MACF1: variants seen among roughly 807,000 people sequenced by gnomAD.
MACF1 encodes microtubule-actin cross-linking factor 1.
Under a neutral mutation model 854.8 loss-of-function variants are expected in MACF1, and 193 were observed. The ratio of observed to expected loss-of-function variants is 0.23; its 90% CI spans 0.20 to 0.25. The LOEUF (loss-of-function observed/expected upper bound fraction) is 0.25. Among genes scored for constraint, MACF1 ranks in the 10% least tolerant of loss-of-function variants. The pLI is 1.00. For synonymous variants in MACF1, 3,185 were observed against 3,226.7 expected, an observed-to-expected ratio of 0.99 and a Z score of 0.44; for missense variants, 7,722 against 8,929.1, an observed-to-expected ratio of 0.86 and a Z score of 5.45.
At chr1:39,141,423 T>G (rs563659429) in intron 2 of MACF1, among the ~76,000 whole-genome samples, 2 of 152,274 alleles carry the variant, frequency 1.3e-5, no homozygotes, top group Non-Finnish European at 2.9e-5. Context: ...AGCATATAGG[T>G]GTTAAGAGCA....
chr1:39,155,941 G>A lies in MACF1; in HGVS notation c.220+71503G>A, dbSNP rs571229519. 1.1e-3 allele frequency among the ~76,000 whole-genome samples: 168 copies of A among 151,642 alleles called. 2 individuals are homozygous for A. Among genetic ancestry groups the A allele is most frequent in the African/African-American group, 3.9e-3 (163 of 41,340 alleles). ...CTTGCTCTGTCGCCCAGGCTGGAGT[G>A]CAGTGGCGCGATCTAGGCTCACTGC... On this transcript the variant is annotated intron_variant, in intron 2 of 93. Transcript: ENST00000361689.
chr1:39,105,538 G>A lies in MACF1; in HGVS notation c.220+21100G>A. The A allele has an allele frequency of 9.5e-7, 1 of 1,052,940 alleles. No homozygotes were observed. Among genetic ancestry groups the A allele is most frequent in the Non-Finnish European group, 1.1e-6 (1 of 873,672 alleles). The allele number at this position is 1,052,940 out of a possible 1,614,324, so 65.2% of individuals were successfully genotyped here. A position where few individuals can be genotyped will look rare whatever the true frequency, so the allele number is the denominator to read the frequency against. ...TCGCCGTCTCTGAGACGCACAAAGG[G>A]TCGAGGCTGGGGCCGCCGCCGCCTC... is the stretch of plus-strand genomic sequence containing the variant. On this transcript the variant is annotated intron_variant, in intron 2 of 93. Transcript: ENST00000361689. This position sits in a 1 kb window ranked among gnomAD's most constrained non-coding sequence, Gnocchi z 5.9.
chr1:39,089,760 C>T (rs566400669), intron 2 of MACF1, among the ~76,000 whole-genome samples: 5 of 152,280 alleles, frequency 3.3e-5, no homozygotes, highest in African/African-American at 7.2e-5. Flanking sequence ...CCAGGCACTG[C>T]GGAGATAACT....
intron 18 of MACF1, among the ~76,000 whole-genome samples, chr1:39,294,313 T>C (rs1038602819): frequency 2.0e-5 from 3 of 152,254 alleles, no homozygotes; most frequent in South Asian, 2.1e-4. Flanking sequence ...TTGCTACTTT[T>C]AGTATTTTCA....
intron 2 of MACF1, among the ~76,000 whole-genome samples, chr1:39,121,740 G>A (rs181810650): frequency 9.2e-5 from 14 of 152,286 alleles, no homozygotes; most frequent in Admixed American, 3.9e-4. Flanking sequence ...GAGCCACCGC[G>A]CCAGGCCAGT....
chr1:39,230,486 G>T (rs1557530905), intron 1 of MACF1, among the ~76,000 whole-genome samples: 2 of 152,066 alleles, frequency 1.3e-5, no homozygotes, highest in Admixed American at 6.5e-5. Context: ...TGGCTCTGGG[G>T]AATTGGCAGG....
chr1:39,421,944 G>A lies in MACF1; in HGVS notation c.15817-430G>A, dbSNP rs1024915650. On this transcript the variant is annotated intron_variant, in intron 58 of 100. Transcript: ENST00000564288. Reference sequence around the variant, plus strand: ...AAAAAAATTAGCTGGGCATGGTGGCGGGCGTCTGTAGTCCCAGCTGCTCAG... The same window carrying A: ...AAAAAAATTAGCTGGGCATGGTGGCAGGCGTCTGTAGTCCCAGCTGCTCAG... Among the ~76,000 whole-genome samples the A allele has an allele frequency of 3.9e-5, 6 of 152,114 alleles. No individual in the cohort carries two copies. The South Asian group carries it at 1.0e-3, about 26-fold the overall frequency.
intron 2 of MACF1, among the ~76,000 whole-genome samples, chr1:39,118,525 G>A (rs1208816545): frequency 6.6e-6 from 1 of 152,226 alleles, no homozygotes; most frequent in African/African-American, 2.4e-5. Context: ...CTGCCAAAGG[G>A]CTGGAAATTT....
At chr1:39,328,209 T>C (rs923343172) in intron 36 of MACF1, among the ~76,000 whole-genome samples, 1 of 152,198 alleles carries the variant, frequency 6.6e-6, no homozygotes, top group African/African-American at 2.4e-5. Context: ...CAAAACCAGC[T>C]ATGATTTGAT....
chr1:39,464,079 C>G (rs1644612448), intron 94 of MACF1: 1 of 194,960 alleles, frequency 5.1e-6, no homozygotes, highest in Non-Finnish European at 1.1e-5. Context: ...TGTTGAAGCC[C>G]CAACAGACAC....
At chr1:39,210,048 C>T (rs1481692517) in intron 1 of MACF1, among the ~76,000 whole-genome samples, 2 of 151,748 alleles carry the variant, frequency 1.3e-5, no homozygotes, top group Admixed American at 1.3e-4. Context: ...CAAGATTGCA[C>T]CCCTGCATTC....
rs2148535458 is a variant in MACF1 at position 39,370,044 on chromosome 1, C to T, written c.12953C>T (p.Ser4318Leu). Residue 4318 changes from serine (S) to leucine (L), a missense_variant, in exon 51 of 101, where the codon TCA (serine) becomes TTA (leucine). Coordinates refer to ENST00000564288, the MANE Select transcript of MACF1 (RefSeq NM_001394062.1). The stretch of plus-strand genomic sequence containing the variant: ...TTCATTGACAGAGAGAAAGATGCAT[C>T]ATCTTGCCAGGAACAGTTGGATGAA... ...KTVKEREKDA[S>L]SCQEQLDEFR... The T allele has an allele frequency of 6.2e-7, 1 of 1,610,578 alleles. No individual in the cohort carries two copies. The highest frequency in any genetic ancestry group is 2.2e-5 in the East Asian group (1 of 44,828).
At chr1:39,136,468 C>G (rs622988) in intron 2 of MACF1, among the ~76,000 whole-genome samples, 143,671 of 152,216 alleles carry the variant, frequency 0.94, 67,885 homozygotes, top group East Asian at 1. Flanking sequence ...GGGTGGAAGG[C>G]GTGGTTTATA....
At position 39,405,773 on chromosome 1, in the gene MACF1, G is replaced by A. The variant is rs142515505; in HGVS notation, c.15817-16601G>A. Among the ~76,000 whole-genome samples, 23 of 152,326 alleles carry A rather than the reference G, an allele frequency of 1.5e-4. No homozygotes were observed. The East Asian group carries it at 4.4e-3, about 29-fold the overall frequency. On this transcript the variant is annotated intron_variant, in intron 58 of 100. Transcript: ENST00000564288. ...AACTCATTTGAAATTTGGCTTCAGTGCATATGTTTGTGGTTACAGGGGTGG... is the reference window on the plus strand; with the variant it reads ...AACTCATTTGAAATTTGGCTTCAGTACATATGTTTGTGGTTACAGGGGTGG...
At chr1:39,429,694 G>A in intron 64 of MACF1, 133 bp from the exon 65 acceptor site, 1 of 870,666 alleles carries the variant, frequency 1.1e-6, no homozygotes, top group East Asian at 2.4e-5. Flanking sequence ...CTTAGTATGG[G>A]ATAGGTGAAA....
At chr1:39,311,571 G>A (rs974845358) in intron 26 of MACF1, among the ~76,000 whole-genome samples, 3 of 152,180 alleles carry the variant, frequency 2.0e-5, no homozygotes, top group African/African-American at 7.2e-5. Flanking sequence ...ATGTAGGATA[G>A]TATTCTTGAA....
At chr1:39,353,292 C>T (rs1647257889) in intron 44 of MACF1, 61 bp downstream of exon 44, 3 of 1,278,718 alleles carry the variant, frequency 2.3e-6, no homozygotes, top group Admixed American at 2.3e-5. Flanking sequence ...GAGCAAGTAA[C>T]CACAATCACC....
At chr1:39,128,012 T>C (rs1236680892) in intron 2 of MACF1, among the ~76,000 whole-genome samples, 2 of 152,180 alleles carry the variant, frequency 1.3e-5, no homozygotes, top group Non-Finnish European at 2.9e-5. Flanking sequence ...GTCTTTATTT[T>C]CTCCACCTAG....
intron 91 of MACF1, chr1:39,459,751 T>C: frequency 9.0e-7 from 1 of 1,114,380 alleles, no homozygotes; most frequent in Non-Finnish European, 1.2e-6. Flanking sequence ...AATATAGTAC[T>C]ATGCTTCCTA....
Sources: allele counts gnomAD v4.1 joint callset (sites outside exome capture counted in the v4.1 genomes callset), GRCh38; gene constraint gnomAD v4.1.1; non-coding constraint Gnocchi (gnomAD v3.1); transcripts MANE v1.5; gene names NCBI Gene and HGNC (gene_info 2026-07-23, HGNC 2026-07-21).